RAB3B: variants seen among roughly 807,000 people sequenced by gnomAD.
RAB3B encodes the protein ras-related protein Rab-3B.
RAB3B carries 11 observed loss-of-function variants against 20.5 expected under a neutral mutation model. That is an observed-to-expected ratio of 0.54 (90% CI 0.34 to 0.89). RAB3B has a LOEUF of 0.89. Ranked by LOEUF, RAB3B falls within the 40% of genes least tolerant of loss-of-function variation. The probability of loss-of-function intolerance (pLI) is 0.02; values close to 1 mark genes in which losing one functional copy is unlikely to be tolerated. For synonymous variants in RAB3B, 99 were observed against 106.3 expected, an observed-to-expected ratio of 0.93 and a Z score of 0.42; for missense variants, 225 against 280.9, an observed-to-expected ratio of 0.80 and a Z score of 1.42.
intron 2 of RAB3B, among the ~76,000 whole-genome samples, chr1:51,957,650 C>T (rs966215488): frequency 6.6e-6 from 1 of 152,198 alleles, no homozygotes; most frequent in South Asian, 2.1e-4. Flanking sequence ...TCTGTATAAA[C>T]AGTCGTGTTC....
At chr1:51,938,012 T>A (rs1440270248) in intron 2 of RAB3B, among the ~76,000 whole-genome samples, 1 of 148,274 alleles carries the variant, frequency 6.7e-6, no homozygotes, top group Non-Finnish European at 1.5e-5. Flanking sequence ...TTTTTTTTTT[T>A]TTTTTTTTAA....
intron 1 of RAB3B, among the ~76,000 whole-genome samples, chr1:51,977,692 C>T (rs972877896): frequency 2.6e-5 from 4 of 152,158 alleles, no homozygotes; most frequent in Non-Finnish European, 5.9e-5. Flanking sequence ...ACTATTATGA[C>T]TCAGGAGGCT....
intron 4 of RAB3B, among the ~76,000 whole-genome samples, chr1:51,924,817 G>T (rs1281741551): frequency 6.6e-6 from 1 of 151,996 alleles, no homozygotes; most frequent in African/African-American, 2.4e-5. Context: ...AGGTCCATAT[G>T]GTAACCTTTT....
At chr1:51,929,344 T>C (rs1192788755) in intron 4 of RAB3B, among the ~76,000 whole-genome samples, 3 of 152,288 alleles carry the variant, frequency 2.0e-5, no homozygotes, top group South Asian at 4.2e-4. Context: ...TTTTTTCTTT[T>C]TGAGATGGAG....
intron 4 of RAB3B, among the ~76,000 whole-genome samples, chr1:51,930,019 G>A (rs1684300813): frequency 6.6e-6 from 1 of 152,192 alleles, no homozygotes; most frequent in African/African-American, 2.4e-5. Context: ...TAGGAGGAGA[G>A]ATAAACATGT....
chr1:51,939,377 T>C (rs1403275886), intron 2 of RAB3B, among the ~76,000 whole-genome samples: 1 of 152,116 alleles, frequency 6.6e-6, no homozygotes, highest in African/African-American at 2.4e-5. Context: ...TTTCCCAAGG[T>C]CAAGGTCATA....
chr1:51,943,423 ACAC>A (rs143552503), intron 2 of RAB3B, among the ~76,000 whole-genome samples: 1,101 of 27,060 alleles, frequency 0.041, 8 homozygotes, highest in Middle Eastern at 0.11. Context: ...AACAACAACA[ACAC>A]CACAATGGCC....
intron 2 of RAB3B, among the ~76,000 whole-genome samples, chr1:51,975,450 A>G (rs1436564503): frequency 6.6e-6 from 1 of 152,170 alleles, no homozygotes; most frequent in Non-Finnish European, 1.5e-5. Context: ...CCCAATATCC[A>G]CACTTTTGTG....
intron 1 of RAB3B, among the ~76,000 whole-genome samples, chr1:51,989,103 G>GCACACGCACACACACA (rs1553232367): frequency 1.5e-5 from 2 of 132,676 alleles, no homozygotes; most frequent in Non-Finnish European, 3.2e-5. Context: ...CTGTGCGCGC[G>GCACACGCACACACACA]CACACACACA....
At chr1:51,938,608 C>T (rs903823916) in intron 2 of RAB3B, among the ~76,000 whole-genome samples, 1 of 151,268 alleles carries the variant, frequency 6.6e-6, no homozygotes, top group African/African-American at 2.4e-5. Context: ...AGAAACACAT[C>T]AAAAGGTTAA....
intron 2 of RAB3B, among the ~76,000 whole-genome samples, chr1:51,948,648 G>A (rs1370354399): frequency 1.3e-5 from 2 of 152,150 alleles, no homozygotes; most frequent in African/African-American, 4.8e-5. Flanking sequence ...CCTTCCCTGA[G>A]GTAATGCTCT....
At chr1:51,958,783 G>A (rs1684746467) in intron 2 of RAB3B, among the ~76,000 whole-genome samples, 1 of 151,968 alleles carries the variant, frequency 6.6e-6, no homozygotes, top group Non-Finnish European at 1.5e-5. Flanking sequence ...AACCCAAGAG[G>A]AGCCTCAGAC....
At chr1:51,949,456 A>G (rs1453812888) in intron 2 of RAB3B, among the ~76,000 whole-genome samples, 1 of 152,198 alleles carries the variant, frequency 6.6e-6, no homozygotes, top group Non-Finnish European at 1.5e-5. Flanking sequence ...GCAAGCTTCC[A>G]GCACAAATCC....
intron 3 of RAB3B, among the ~76,000 whole-genome samples, chr1:51,935,591 G>C (rs1211068989): frequency 6.6e-6 from 1 of 152,058 alleles, no homozygotes; most frequent in Non-Finnish European, 1.5e-5. Context: ...GTTATTCTTG[G>C]AGGAATCGTC....
chr1:51,923,582 G>C (rs962680404), intron 4 of RAB3B, among the ~76,000 whole-genome samples: 1 of 152,086 alleles, frequency 6.6e-6, no homozygotes, highest in Non-Finnish European at 1.5e-5. Context: ...CGGGTGTGGT[G>C]GCACTGCCTG....
chr1:51,972,466 T>C (rs1453976475), intron 2 of RAB3B, among the ~76,000 whole-genome samples: 2 of 151,914 alleles, frequency 1.3e-5, no homozygotes, highest in African/African-American at 2.4e-5. Context: ...CTATACAGTA[T>C]ACACTATGCT....
At chr1:51,923,894 C>T (rs1684207604) in intron 4 of RAB3B, among the ~76,000 whole-genome samples, 1 of 152,062 alleles carries the variant, frequency 6.6e-6, no homozygotes, top group Non-Finnish European at 1.5e-5. Flanking sequence ...TTAAACAAAA[C>T]TCTTCACCTA....
intron 4 of RAB3B, among the ~76,000 whole-genome samples, chr1:51,922,640 T>C (rs1684187496): frequency 1.3e-5 from 2 of 152,024 alleles, no homozygotes; most frequent in African/African-American, 4.8e-5. Flanking sequence ...AATCTCTTTG[T>C]CTTCATCACT....
At chr1:51,985,286 G>C (rs1475087091) in intron 1 of RAB3B, among the ~76,000 whole-genome samples, 1 of 152,100 alleles carries the variant, frequency 6.6e-6, no homozygotes, top group Non-Finnish European at 1.5e-5. Context: ...ACAATTAACT[G>C]TTTGCTCTCT....
Sources: allele counts gnomAD v4.1 joint callset (sites outside exome capture counted in the v4.1 genomes callset), GRCh38; gene constraint gnomAD v4.1.1; transcripts MANE v1.5; gene names NCBI Gene and HGNC (gene_info 2026-07-23, HGNC 2026-07-21).